Variants in RNF13 observed in about 807,000 individuals in gnomAD.
RNF13 encodes the protein E3 ubiquitin-protein ligase RNF13.
In RNF13, 19 loss-of-function variants were observed where a neutral mutation model predicts 37.7. The observed-to-expected ratio is 0.50, with a 90% CI of 0.35 to 0.74. The LOEUF (loss-of-function observed/expected upper bound fraction) is 0.74, where lower values mean the gene tolerates loss of function less well. Ranked by LOEUF, RNF13 falls within the 30% of genes least tolerant of loss-of-function variation. The pLI is 0.01. For synonymous variants in RNF13, 144 were observed against 157.8 expected (o/e 0.91, Z 0.65); for missense variants, 375 against 453.0 (o/e 0.83, Z 1.56).
intron 4 of RNF13, among the ~76,000 whole-genome samples, chr3:149,887,216 C>T (rs1363575229): frequency 6.6e-6 from 1 of 152,156 alleles, no homozygotes; most frequent in Non-Finnish European, 1.5e-5. Context: ...CTCAGTGCTG[C>T]CCTGTCACAC....
chr3:149,957,963 T>G lies in RNF13; in HGVS notation c.701-2093T>G, dbSNP rs79881734. Among the ~76,000 whole-genome samples, 547 of 152,306 alleles carry G rather than the reference T, an allele frequency of 3.6e-3. 1 individual carries two copies. Among genetic ancestry groups the G allele is most frequent in the Non-Finnish European group, 6.1e-3 (418 of 68,014 alleles). On this transcript the variant is annotated intron_variant, in intron 8 of 9. Transcript: ENST00000392894. The stretch of plus-strand genomic sequence containing the variant: ...GAGCACTAAGCTCCAGTTTGGTCCA[T>G]GATCACAAACTGTACCTTGGAATCT...
intron 4 of RNF13, among the ~76,000 whole-genome samples, chr3:149,889,445 C>T (rs1297178533): frequency 6.7e-6 from 1 of 150,124 alleles, no homozygotes; most frequent in Non-Finnish European, 1.5e-5. Context: ...ACTAGGACTA[C>T]AGGCGTGTGC....
chr3:149,898,080 A>G (rs529710025), intron 5 of RNF13, among the ~76,000 whole-genome samples: 1 of 152,346 alleles, frequency 6.6e-6, no homozygotes, highest in South Asian at 2.1e-4. Flanking sequence ...CTTAATCTTT[A>G]TAAGCACATT....
At chr3:149,865,938 A>G (rs553900096) in intron 3 of RNF13, among the ~76,000 whole-genome samples, 50 of 152,150 alleles carry the variant, frequency 3.3e-4, no homozygotes, top group Admixed American at 1.1e-3. Context: ...AAGGGAATAA[A>G]AAAATGGCTA....
At chr3:149,904,231 A>G (rs1356099664) in intron 6 of RNF13, among the ~76,000 whole-genome samples, 2 of 152,208 alleles carry the variant, frequency 1.3e-5, no homozygotes, top group Admixed American at 6.5e-5. Flanking sequence ...AGACACCAAC[A>G]TAATAATATA....
intron 4 of RNF13, among the ~76,000 whole-genome samples, chr3:149,885,374 C>G (rs1386845759): frequency 6.6e-6 from 1 of 152,160 alleles, no homozygotes; most frequent in Admixed American, 6.5e-5. Flanking sequence ...CTTTTCTCCA[C>G]ATACTCTCCA....
At chr3:149,844,218 C>T (rs1722432001) in intron 1 of RNF13, among the ~76,000 whole-genome samples, 1 of 152,170 alleles carries the variant, frequency 6.6e-6, no homozygotes, top group African/African-American at 2.4e-5. Context: ...TTACAAGACT[C>T]AGCACATGGT....
intron 4 of RNF13, among the ~76,000 whole-genome samples, chr3:149,876,053 C>G (rs965963251): frequency 4.6e-5 from 7 of 152,158 alleles, no homozygotes; most frequent in African/African-American, 1.7e-4. Flanking sequence ...CAGAGCTATA[C>G]AATTTTCTGT....
chr3:149,960,802 A>C lies in RNF13; in HGVS notation c.844A>C (p.Lys282Gln). The change falls in exon 10 of 10, where the codon AAG becomes CAG. Residue 282 changes from lysine to glutamine, a missense_variant. Transcript: ENST00000392894. ...AACCAAAAAAACCTGTCCAGTGTGC[A>C]AGCAAAAAGTTGTTCCTTCTCAAGG... Reference protein sequence around the residue: ...TKTKKTCPVCKQKVVPSQGDS... With the variant: ...TKTKKTCPVCQQKVVPSQGDS... The C allele has an allele frequency of 1.2e-6, 2 of 1,614,178 alleles. No individual in the cohort carries two copies. The highest frequency in any genetic ancestry group is 1.7e-6 in the Non-Finnish European group (2 of 1,180,032).
At chr3:149,847,801 A>G (rs949968481) in intron 2 of RNF13, among the ~76,000 whole-genome samples, 1 of 151,868 alleles carries the variant, frequency 6.6e-6, no homozygotes, top group African/African-American at 2.4e-5. Context: ...CTCTCCTTTG[A>G]TTTCTTCCAT....
At chr3:149,869,148 G>C (rs1469739538) in intron 3 of RNF13, among the ~76,000 whole-genome samples, 1 of 151,352 alleles carries the variant, frequency 6.6e-6, no homozygotes, top group Non-Finnish European at 1.5e-5. Flanking sequence ...GAATTTTTCA[G>C]GTCAGCAGAT....
intron 8 of RNF13, among the ~76,000 whole-genome samples, chr3:149,935,664 C>T (rs1365465484): frequency 2.0e-5 from 3 of 152,104 alleles, no homozygotes; most frequent in Non-Finnish European, 2.9e-5. Context: ...AACTTTACAT[C>T]GTAATTTCAT....
chr3:149,822,732 G>A (rs1246337579), intron 1 of RNF13, among the ~76,000 whole-genome samples: 1 of 151,932 alleles, frequency 6.6e-6, no homozygotes, highest in Non-Finnish European at 1.5e-5. Context: ...TTTTCTTTAG[G>A]TTTGGAGAGA....
In RNF13 at chr3:149,961,246, C is replaced by G. The variant is rs894492901; in HGVS notation, c.*142C>G. On this transcript the variant is annotated 3_prime_UTR_variant, in exon 10 of 10. Transcript: ENST00000392894. ...GTTTAATCAAATTACTGAAACAGGA[C>G]TTTTGATCTGGTATTTATCTGCCAA... 1 of 736,116 alleles carries G rather than the reference C, an allele frequency of 1.4e-6. No individual in the cohort carries two copies. The highest frequency in any genetic ancestry group is 1.8e-5 in the African/African-American group (1 of 55,962). The allele number at this position is 736,116 out of a possible 1,614,324, so 45.6% of individuals were successfully genotyped here. A position where few individuals can be genotyped will look rare whatever the true frequency, so the allele number is the denominator to read the frequency against.
chr3:149,819,672 T>C (rs899357693), intron 1 of RNF13, among the ~76,000 whole-genome samples: 1 of 152,132 alleles, frequency 6.6e-6, no homozygotes, highest in Non-Finnish European at 1.5e-5. Context: ...ACTGGAGGAA[T>C]GGCAAGGGAC....
At chr3:149,874,295 G>C (rs1259484131) in intron 4 of RNF13, among the ~76,000 whole-genome samples, 1 of 152,098 alleles carries the variant, frequency 6.6e-6, no homozygotes, top group Admixed American at 6.5e-5. Flanking sequence ...TTATAGGGGA[G>C]ACACAATGAT....
intron 3 of RNF13, among the ~76,000 whole-genome samples, chr3:149,867,942 T>C (rs1448764596): frequency 6.6e-6 from 1 of 151,874 alleles, no homozygotes; most frequent in African/African-American, 2.4e-5. Context: ...TGTTACAGGT[T>C]TTTGCATTGT....
At chr3:149,867,614 T>G (rs1368738627) in intron 3 of RNF13, among the ~76,000 whole-genome samples, 1 of 151,808 alleles carries the variant, frequency 6.6e-6, no homozygotes, top group African/African-American at 2.4e-5. Flanking sequence ...TTTTATCTGA[T>G]GTAAGTATAG....
At position 149,898,709 on chromosome 3, in the gene RNF13, A is replaced by T. The variant is rs546673792; in HGVS notation, c.409+3149A>T. On this transcript the variant is annotated intron_variant, in intron 5 of 9. Coordinates refer to ENST00000392894, the MANE Select transcript of RNF13 (RefSeq NM_183381.3). ...TTGTTCAGATATTATTATTGTGATT[A>T]TTATCATTTTATTGCATTCTAGAGT... Among the ~76,000 whole-genome samples the T allele has an allele frequency of 4.0e-4, 61 of 152,306 alleles. 1 individual carries two copies. The highest frequency in any genetic ancestry group is 2.3e-3 in the East Asian group (12 of 5,190).
Sources: allele counts gnomAD v4.1 joint callset (sites outside exome capture counted in the v4.1 genomes callset), GRCh38; gene constraint gnomAD v4.1.1; transcripts MANE v1.5; gene names NCBI Gene and HGNC (gene_info 2026-07-23, HGNC 2026-07-21).